PHF12: variants seen among roughly 807,000 people sequenced by gnomAD.
The protein encoded by PHF12 is PHD factor 1.
Under a neutral mutation model 99.8 loss-of-function variants are expected in PHF12, and 6 were observed. That is an observed-to-expected ratio of 0.06 (90% CI 0.03 to 0.12). The LOEUF is 0.12. Ranked by LOEUF, PHF12 falls within the 10% of genes least tolerant of loss-of-function variation. PHF12 has a pLI of 1.00. For missense variants in PHF12, 954 were observed against 1,300.1 expected (o/e 0.73, Z 4.09); for synonymous variants, 480 against 514.9 (o/e 0.93, Z 0.92).
At chr17:28,926,831 G>T in intron 3 of PHF12, 160 bp downstream of exon 3, 1 of 1,538,460 alleles carries the variant, frequency 6.5e-7, no homozygotes, top group Middle Eastern at 1.7e-4. Context: ...GGCCCTACTG[G>T]ATTCCAAACA....
intron 2 of PHF12, chr17:28,927,800 GA>G (rs2040311454): frequency 6.6e-6 from 1 of 152,214 alleles, no homozygotes; most frequent in African/African-American, 2.4e-5. Flanking sequence ...GGACATGGAG[GA>G]GACAAGGTAT....
chr17:28,924,445 C>G (rs2040229262), intron 3 of PHF12, 143 bp from the exon 4 acceptor site: 13 of 1,128,660 alleles, frequency 1.2e-5, no homozygotes, highest in Non-Finnish European at 1.7e-5. Context: ...ACTTGGAACA[C>G]TGGTCTGTTA....
In PHF12 at chr17:28,911,131, T is replaced by C. The variant is rs1449872598; in HGVS notation, c.2196A>G (p.Ala732=). ...AMVDLTNSLR[A]FMDVNGEIEI... ...ACTCACCTCCATTGACATCCATAAA[T>C]GCTCGAAGTGAGTTGGTGAGGTCCA... The change falls in exon 10 of 15, where the codon GCA becomes GCG. Residue 732 remains alanine (A), a synonymous_variant. Transcript: ENST00000332830. 1 of 1,614,016 alleles carries C rather than the reference T, an allele frequency of 6.2e-7. No homozygotes were observed. The highest frequency in any genetic ancestry group is 1.3e-5 in the African/African-American group (1 of 74,912).
intron 2 of PHF12, among the ~76,000 whole-genome samples, chr17:28,937,217 T>C (rs2040526586): frequency 6.6e-6 from 1 of 152,218 alleles, no homozygotes; most frequent in Admixed American, 6.5e-5. Flanking sequence ...GAAATGTAAA[T>C]GTCAGCAGAA....
chr17:28,917,455 G>C lies in PHF12; in HGVS notation c.970-6C>G. On this transcript the variant is annotated splice_polypyrimidine_tract_variant and splice_region_variant and intron_variant, in intron 6 of 14. Transcript: ENST00000332830. ...GTCATATTCTTCTGGTTCAGCTAGG[G>C]ACAAAGCAGACACAACCTTGTGGTG... The C allele has an allele frequency of 6.3e-7, 1 of 1,596,460 alleles. No individual in the cohort carries two copies.
intron 7 of PHF12, among the ~76,000 whole-genome samples, chr17:28,915,912 G>A (rs1233048947): frequency 5.9e-5 from 9 of 152,214 alleles, no homozygotes; most frequent in African/African-American, 1.7e-4. Context: ...CATACAACAA[G>A]GGGATTTTTA....
Position 28,917,414 on chromosome 17 carries a change from G to A in PHF12, c.1005C>T (p.Cys335=), listed in dbSNP as rs1392332462. The change falls in exon 7 of 15, where the codon TGC becomes TGT. Residue 335 remains cysteine, a synonymous_variant. Transcript: ENST00000332830. ...NQKNMTLSNR[C]QVFDRFQDTV... is the part of the protein sequence containing the mutation. ...TGTCCTGGAAACGATCAAACACCTG[G>A]CACCGATTGCTCAGTGTCATATTCT... is the stretch of plus-strand genomic sequence containing the variant. 2 of 1,613,366 alleles carry A rather than the reference G, an allele frequency of 1.2e-6. No individual in the cohort carries two copies. The highest frequency in any genetic ancestry group is 1.7e-5 in the Admixed American group (1 of 59,924).
chr17:28,950,196 G>A lies in PHF12; in HGVS notation c.117C>T (p.Arg39=). 1 of 1,613,166 alleles carries A rather than the reference G, an allele frequency of 6.2e-7. No individual in the cohort carries two copies. Among genetic ancestry groups the A allele is most frequent in the Non-Finnish European group, 8.5e-7 (1 of 1,179,974 alleles). The change falls in exon 2 of 15, where the codon CGC becomes CGT. Residue 39 remains arginine, a synonymous_variant. Transcript: ENST00000332830. The surrounding 1 kb of genome is among the most constrained non-coding windows in gnomAD (Gnocchi z 5.7). ...APPKTDEAEK[R]SRKPEKEPRR... is the part of the protein sequence containing the mutation. ...GGGGCTCCTTCTCAGGCTTCCGACT[G>A]CGCTTTTCTGCCTCGTCCGTCTTGG...
rs1363949480 is a variant in PHF12, at chr17:28,906,218, G to A, written c.2980C>T (p.Gln994Ter). 2.5e-6 allele frequency: 4 copies of A among 1,609,838 alleles called. No homozygotes were observed. The highest frequency in any genetic ancestry group is 3.4e-6 in the Non-Finnish European group (4 of 1,177,058). The change falls in exon 15 of 15, where the codon CAG becomes TAG. Residue 994 changes from glutamine (Q) to a stop codon, truncating the protein, a stop_gained. Transcript: ENST00000332830. LOFTEE classifies it high-confidence loss of function. This position sits in a 1 kb window ranked among gnomAD's most constrained non-coding sequence, Gnocchi z 4.2. ...LAEKLSLKPHQGPVLRSNSVP is the reference protein window; with the variant it reads ...LAEKLSLKPH ...GAGTTGGAGCGCAGCACAGGGCCCT[G>A]GTGGGGCTTGAGAGAGAGCTTCTCG...
At chr17:28,946,005 G>A (rs745635837) in intron 2 of PHF12, among the ~76,000 whole-genome samples, 8 of 152,154 alleles carry the variant, frequency 5.3e-5, no homozygotes, top group South Asian at 2.1e-4. Context: ...GCCTGGTGGC[G>A]TGCGCCTGTA....
At position 28,923,653 on chromosome 17, in the gene PHF12, C is replaced by CAAAAAAAAAAAAAAAAAAA. The variant is rs35263191; in HGVS notation, c.715+237_715+255dup. ...AGCCTGAGTGACAAAGTGAGACTCA[C>CAAAAAAAAAAAAAAAAAAA]AAAAAAAAAAAAAAAAAAAAAAGGA... On this transcript the variant is annotated intron_variant, in intron 4 of 14. Transcript: ENST00000332830. 2.6e-3 allele frequency among the ~76,000 whole-genome samples: 112 copies of CAAAAAAAAAAAAAAAAAAA among 43,464 alleles called. 8 individuals carry two copies. The highest frequency in any genetic ancestry group is 7.0e-3 in the African/African-American group (73 of 10,372). 28.5% of individuals were successfully genotyped at this position (43,464 alleles called of 152,430 possible). A position where few individuals can be genotyped will look rare whatever the true frequency, so the allele number is the denominator to read the frequency against.
In PHF12 at chr17:28,906,084, GGTAGA is replaced by G; in HGVS notation, c.*94_*98del. On this transcript the variant is annotated 3_prime_UTR_variant, in exon 15 of 15. Coordinates refer to ENST00000332830, the MANE Select transcript of PHF12 (RefSeq NM_001033561.2). The surrounding 1 kb of genome is among the most constrained non-coding windows in gnomAD (Gnocchi z 4.2). ...CAAAGATTGTAGTTGAAGGGTTTCTGGTAGAGTATAGAAAACACCCGGGCTTGGTT... is the reference window on the plus strand; with the variant it reads ...CAAAGATTGTAGTTGAAGGGTTTCTGGTATAGAAAACACCCGGGCTTGGTT... 1 of 1,159,766 alleles carries G rather than the reference GGTAGA, an allele frequency of 8.6e-7. No individual in the cohort carries two copies. 71.8% of individuals were successfully genotyped at this position (1,159,766 alleles called of 1,614,324 possible).
rs2039913303 is a variant in PHF12, at chr17:28,908,836, A to G, written c.2405T>C (p.Leu802Ser). ...VQARAVFYPLLGLGGAVNMCY... is the reference protein window; with the variant it reads ...VQARAVFYPLSGLGGAVNMCY... ...CATGTTCACAGCTCCTCCCAACCCT[A>G]AGAGGGGGTAGAACACAGCTCGGGC... Residue 802 changes from leucine (L) to serine (S), a missense_variant, in exon 12 of 15, where the codon TTA becomes TCA. This residue lies in a region of PHF12 where 143 missense variants were observed against 191.8 expected (regional missense o/e 0.75). Coordinates refer to ENST00000332830, the MANE Select transcript of PHF12 (RefSeq NM_001033561.2). The G allele has an allele frequency of 6.2e-7, 1 of 1,613,912 alleles. No individual in the cohort carries two copies. The highest frequency in any genetic ancestry group is 1.1e-5 in the South Asian group (1 of 91,062).
intron 7 of PHF12, among the ~76,000 whole-genome samples, chr17:28,914,469 G>A (rs547775699): frequency 3.3e-4 from 50 of 151,970 alleles, no homozygotes; most frequent in African/African-American, 1.0e-3. Context: ...TCAGGAGATC[G>A]AGACCATCCT....
rs773564298 is a variant in PHF12, at chr17:28,950,076, G to A, written c.237C>T (p.His79=). Residue 79 remains histidine (H), a synonymous_variant, in exon 2 of 15, where the codon CAC becomes CAT. Coordinates refer to ENST00000332830, the MANE Select transcript of PHF12 (RefSeq NM_001033561.2). This position sits in a 1 kb window ranked among gnomAD's most constrained non-coding sequence, Gnocchi z 5.7. ...LCCDHCPAAF[H]LQCCNPPLSE... The stretch of plus-strand genomic sequence containing the variant: ...TCCCCAGACCTTACCAGCACTGGAG[G>A]TGGAAGGCAGCCGGGCAGTGGTCGC... The A allele has an allele frequency of 1.2e-6, 2 of 1,613,052 alleles. No individual in the cohort carries two copies. Among genetic ancestry groups the A allele is most frequent in the South Asian group, 1.1e-5 (1 of 91,046 alleles).
In PHF12 at chr17:28,916,263, C is replaced by T. The variant is rs371847172; in HGVS notation, c.1134+1022G>A. ...AGGCCGGAGTGCAATGGCGCGATCT[C>T]GGCTCACTGCAACCTCCACCTCCCA... On this transcript the variant is annotated intron_variant, in intron 7 of 14. Transcript: ENST00000332830. Among the ~76,000 whole-genome samples the T allele has an allele frequency of 6.5e-4, 99 of 152,268 alleles. 1 individual carries two copies. In the East Asian group the frequency reaches 0.011, roughly 17 times the overall value.
intron 12 of PHF12, 168 bp from the exon 13 acceptor site, chr17:28,907,840 TGTC>T: frequency 3.7e-6 from 2 of 542,372 alleles, no homozygotes; most frequent in Non-Finnish European, 6.6e-6. Context: ...CAAAAACTGT[TGTC>T]TTTTCCAAGC....
intron 4 of PHF12, 66 bp from the exon 5 acceptor site, chr17:28,921,874 A>G: frequency 6.3e-7 from 1 of 1,599,622 alleles, no homozygotes; most frequent in Non-Finnish European, 8.5e-7. Flanking sequence ...CAATATGGAA[A>G]CAACATTAAG....
intron 9 of PHF12, chr17:28,912,054 G>T: frequency 1.0e-6 from 1 of 979,308 alleles, no homozygotes; most frequent in Non-Finnish European, 1.2e-6. Context: ...TATGCATCAG[G>T]CATGAATCCA....
Sources: allele counts gnomAD v4.1 joint callset (sites outside exome capture counted in the v4.1 genomes callset), GRCh38; gene constraint gnomAD v4.1.1; regional missense constraint gnomAD v4.1.1; non-coding constraint Gnocchi (gnomAD v3.1); transcripts MANE v1.5; gene names NCBI Gene and HGNC (gene_info 2026-07-23, HGNC 2026-07-21).